ADAMTS15: variants seen among roughly 807,000 people sequenced by gnomAD.
The protein encoded by ADAMTS15 is A disintegrin and metalloproteinase with thrombospondin motifs 15.
Under a neutral mutation model 79.1 loss-of-function variants are expected in ADAMTS15, and 35 were observed. The ratio of observed to expected loss-of-function variants is 0.44; its 90% CI spans 0.34 to 0.59. The LOEUF (loss-of-function observed/expected upper bound fraction) is 0.59. ADAMTS15 is among the 20% of genes least tolerant of loss of function. The probability of loss-of-function intolerance (pLI) is 0.02; values close to 1 mark genes in which losing one functional copy is unlikely to be tolerated. For synonymous variants in ADAMTS15, 616 were observed against 567.3 expected (o/e 1.09, Z -1.22); for missense variants, 1,324 against 1,318.7 (o/e 1.00, Z -0.06).
chr11:130,470,622 A>G (rs147560536), intron 5 of ADAMTS15, among the ~76,000 whole-genome samples: 300 of 152,304 alleles, frequency 2.0e-3, no homozygotes, highest in African/African-American at 6.2e-3. Context: ...TCGTTAATCT[A>G]TATAATTTAC....
chr11:130,470,191 T>TATATATAC (rs1938417870), intron 5 of ADAMTS15, among the ~76,000 whole-genome samples: 1 of 51,790 alleles, frequency 1.9e-5, no homozygotes, highest in Non-Finnish European at 3.9e-5. Flanking sequence ...TGTGTGTATA[T>TATATATAC]ATATATATAT....
intron 6 of ADAMTS15, 30 bp from the exon 7 acceptor site, chr11:130,471,178 C>T: frequency 1.3e-6 from 2 of 1,585,820 alleles, no homozygotes; most frequent in Non-Finnish European, 1.7e-6. Context: ...CCCTGCTCTT[C>T]CTTCTTTTTC....
chr11:130,469,405 C>T lies in ADAMTS15; in HGVS notation c.1686C>T (p.Tyr562=). ...GKYCEGVRVK[Y]RSCNLEPCPS... ...ACTGCGAGGGAGTGAGGGTGAAATA[C>T]CGATCCTGCAATCTGGAGCCCTGCC... The change falls in exon 5 of 8, where the codon TAC becomes TAT. Residue 562 remains tyrosine, a synonymous_variant. Transcript: ENST00000299164. 7.4e-7 allele frequency: 1 copy of T among 1,349,526 alleles called. No individual in the cohort carries two copies. The highest frequency in any genetic ancestry group is 1.5e-5 in the African/African-American group (1 of 66,678). The allele number at this position is 1,349,526 out of a possible 1,614,324, so 83.6% of individuals were successfully genotyped here. A position where few individuals can be genotyped will look rare whatever the true frequency, so the allele number is the denominator to read the frequency against.
At chr11:130,460,836 C>T (rs984453780) in intron 1 of ADAMTS15, among the ~76,000 whole-genome samples, 3 of 152,114 alleles carry the variant, frequency 2.0e-5, no homozygotes, top group African/African-American at 7.2e-5. Context: ...GCTTAGGTGG[C>T]CATCTCTCTA....
chr11:130,470,754 T>C (rs1303173137), intron 5 of ADAMTS15, among the ~76,000 whole-genome samples, 166 bp from the exon 6 acceptor site: 1 of 152,142 alleles, frequency 6.6e-6, no homozygotes, highest in East Asian at 1.9e-4. Context: ...CCCTGGGTCC[T>C]TTGGGCCCAG....
chr11:130,455,769 C>T (rs566393480), intron 1 of ADAMTS15, among the ~76,000 whole-genome samples: 14 of 152,238 alleles, frequency 9.2e-5, no homozygotes, highest in Admixed American at 3.9e-4. Flanking sequence ...AGGGCAGGGA[C>T]GGGGTCAGTG....
chr11:130,450,075 T>C, intron 1 of ADAMTS15, 145 bp downstream of exon 1: 2 of 1,459,434 alleles, frequency 1.4e-6, no homozygotes, highest in Non-Finnish European at 9.0e-7. Context: ...CTGTGGAGTT[T>C]CCAGGGAGAG....
At position 130,473,832 on chromosome 11, in the gene ADAMTS15, C is replaced by T. The variant is rs763176437; in HGVS notation, c.*11C>T. The stretch of plus-strand genomic sequence containing the variant: ...CTGAGGCCGTGCTGAGTGGGGTCAT[C>T]GCTTTCTCCCCCTCACTCTCCACCC... On this transcript the variant is annotated 3_prime_UTR_variant, in exon 8 of 8. Coordinates refer to ENST00000299164, the MANE Select transcript of ADAMTS15 (RefSeq NM_139055.4). The T allele has an allele frequency of 5.7e-6, 9 of 1,581,016 alleles. No homozygotes were observed. The highest frequency in any genetic ancestry group is 4.0e-5 in the African/African-American group (3 of 74,594).
Position 130,449,161 on chromosome 11 carries a change from A to T in ADAMTS15, c.188A>T (p.Asp63Val). Residue 63 changes from aspartate to valine, a missense_variant, in exon 1 of 8, where the codon GAC (aspartate) becomes GTC (valine). Physicochemically the swap from Asp to Val is radical, Grantham distance 152. Coordinates refer to ENST00000299164, the MANE Select transcript of ADAMTS15 (RefSeq NM_139055.4). The surrounding 1 kb of genome is among the most constrained non-coding windows in gnomAD (Gnocchi z 7.8). Reference sequence around the variant, plus strand: ...TTTCAGATCACAGCATTTCAGGAGGACTTTTACCTACACCTGACGCCGGAT... The same window carrying T: ...TTTCAGATCACAGCATTTCAGGAGGTCTTTTACCTACACCTGACGCCGGAT... The part of the protein sequence containing the change: ...LIFQITAFQE[D>V]FYLHLTPDAQ... 2 of 1,607,758 alleles carry T rather than the reference A, an allele frequency of 1.2e-6. No homozygotes were observed. Among genetic ancestry groups the T allele is most frequent in the Non-Finnish European group, 8.5e-7 (1 of 1,175,610 alleles).
At chr11:130,455,824 G>A (rs1314684401) in intron 1 of ADAMTS15, among the ~76,000 whole-genome samples, 3 of 152,178 alleles carry the variant, frequency 2.0e-5, no homozygotes, top group South Asian at 2.1e-4. Context: ...TCGTTCAACC[G>A]GAGAGGTGGC....
chr11:130,450,238 A>G (rs1937936232), intron 1 of ADAMTS15: 1 of 985,288 alleles, frequency 1.0e-6, no homozygotes, highest in Non-Finnish European at 1.2e-6. Context: ...GCCGCCCCGG[A>G]GCTGCAGTTT....
Position 130,473,814 on chromosome 11 carries a change from C to T in ADAMTS15, c.2846C>T (p.Pro949Leu), listed in dbSNP as rs760506953. The part of the protein sequence containing the change: ...PQELDFCVLR[P>L]C ...GAGCTGGACTTCTGCGTCCTGAGGCCGTGCTGAGTGGGGTCATCGCTTTCT... is the reference window on the plus strand; with the variant it reads ...GAGCTGGACTTCTGCGTCCTGAGGCTGTGCTGAGTGGGGTCATCGCTTTCT... The change falls in exon 8 of 8, where the codon CCG (proline) becomes CTG (leucine). Residue 949 changes from proline to leucine, a missense_variant. Coordinates refer to ENST00000299164, the MANE Select transcript of ADAMTS15 (RefSeq NM_139055.4). 24 of 1,593,736 alleles carry T rather than the reference C, an allele frequency of 1.5e-5. No individual in the cohort carries two copies. In the Admixed American group the frequency reaches 1.5e-4, roughly 10 times the overall value.
chr11:130,476,439 G>A lies in ADAMTS15; in HGVS notation c.*2618G>A, dbSNP rs1350437565. 2 of 152,138 alleles carry A rather than the reference G, an allele frequency of 1.3e-5. No individual in the cohort carries two copies. The highest frequency in any genetic ancestry group is 4.8e-5 in the African/African-American group (2 of 41,410). 9.4% of individuals were successfully genotyped at this position (152,138 alleles called of 1,614,324 possible). A position where few individuals can be genotyped will look rare whatever the true frequency, so the allele number is the denominator to read the frequency against. ...GGACTTGAGTGTCCCTAGCCTGGCA[G>A]TTGGCTCCCGGAAGCACTAGACACT... On this transcript the variant is annotated 3_prime_UTR_variant, in exon 8 of 8. Coordinates refer to ENST00000299164, the MANE Select transcript of ADAMTS15 (RefSeq NM_139055.4).
chr11:130,468,916 A>G (rs1365052585), intron 4 of ADAMTS15, among the ~76,000 whole-genome samples: 15 of 147,678 alleles, frequency 1.0e-4, no homozygotes, highest in Non-Finnish European at 2.2e-4. Flanking sequence ...CAGCCTTGGC[A>G]AAAGAGGGAG....
At chr11:130,456,210 A>G (rs1938076162) in intron 1 of ADAMTS15, among the ~76,000 whole-genome samples, 1 of 152,224 alleles carries the variant, frequency 6.6e-6, no homozygotes, top group African/African-American at 2.4e-5. Flanking sequence ...TCTGGCACAC[A>G]GTAGCCAGTC....
intron 1 of ADAMTS15, among the ~76,000 whole-genome samples, chr11:130,453,096 T>C (rs1323246761): frequency 6.6e-6 from 1 of 152,014 alleles, no homozygotes; most frequent in East Asian, 1.9e-4. Context: ...ACCAGCCCTG[T>C]TGGGGAGGAG....
chr11:130,456,218 G>A (rs773120288), intron 1 of ADAMTS15, among the ~76,000 whole-genome samples: 1 of 152,196 alleles, frequency 6.6e-6, no homozygotes, highest in Non-Finnish European at 1.5e-5. Flanking sequence ...ACAGTAGCCA[G>A]TCAGTAACTG....
intron 1 of ADAMTS15, among the ~76,000 whole-genome samples, chr11:130,451,690 C>A (rs1313241477): frequency 1.3e-5 from 2 of 152,204 alleles, no homozygotes; most frequent in South Asian, 4.1e-4. Flanking sequence ...AAATAAAAGA[C>A]CTCAGCCTCT....
Position 130,462,247 on chromosome 11 carries a change from C to T in ADAMTS15, c.1251C>T (p.Ser417=), listed in dbSNP as rs376439882. 1.1e-4 allele frequency: 178 copies of T among 1,612,704 alleles called. No homozygotes were observed. Among genetic ancestry groups the T allele is most frequent in the Non-Finnish European group, 1.3e-4 (159 of 1,179,094 alleles). Reference sequence around the variant, plus strand: ...CCATCATCACCGACTTCCTGGACAGCGGGCACGGTAAGCCAGGACGGCGGG... The same window carrying T: ...CCATCATCACCGACTTCCTGGACAGTGGGCACGGTAAGCCAGGACGGCGGG... The part of the protein sequence containing the change: ...SAAIITDFLD[S]GHGDCLLDQP... The change falls in exon 3 of 8, where the codon AGC becomes AGT. Residue 417 remains serine, a synonymous_variant. Transcript: ENST00000299164. This position sits in a 1 kb window ranked among gnomAD's most constrained non-coding sequence, Gnocchi z 4.3.
Sources: gnomAD v4.1 joint callset for allele counts (sites outside exome capture counted in the v4.1 genomes callset) on GRCh38, gnomAD v4.1.1 for gene constraint, Gnocchi (gnomAD v3.1) non-coding constraint, MANE v1.5 for transcripts, NCBI Gene and HGNC (gene_info 2026-07-23, HGNC 2026-07-21) for gene names.